The following FRS2 variants were observed in gnomAD, a reference collection of about 807,000 sequenced individuals.
FRS2 encodes the protein FGFR signalling adaptor.
In FRS2, 8 loss-of-function variants were observed where a neutral mutation model predicts 43.9. That is an observed-to-expected ratio of 0.18 (90% CI 0.11 to 0.33). FRS2 has a LOEUF of 0.33. FRS2 is among the 10% of genes least tolerant of loss of function. The pLI is 1.00. For synonymous variants in FRS2, 219 were observed against 220.3 expected, an observed-to-expected ratio of 0.99 and a Z score of 0.05; for missense variants, 534 against 627.6, an observed-to-expected ratio of 0.85 and a Z score of 1.59.
At chr12:69,503,096 G>A (rs1190775355) in intron 1 of FRS2, among the ~76,000 whole-genome samples, 1 of 152,182 alleles carries the variant, frequency 6.6e-6, no homozygotes, top group Non-Finnish European at 1.5e-5. Flanking sequence ...CTCTGGCAAA[G>A]AATCCACTTC....
intron 3 of FRS2, among the ~76,000 whole-genome samples, chr12:69,551,831 T>G (rs867927681): frequency 2.6e-5 from 4 of 152,138 alleles, no homozygotes; most frequent in Non-Finnish European, 5.9e-5. Context: ...AACTTTTCAT[T>G]TCTGTTATTT....
chr12:69,555,749 A>T (rs1879282106), intron 3 of FRS2, among the ~76,000 whole-genome samples: 1 of 152,212 alleles, frequency 6.6e-6, no homozygotes, highest in Admixed American at 6.5e-5. Context: ...ACACCAAGGG[A>T]TGACTATACA....
Position 69,577,709 on chromosome 12 carries a change from T to A in FRS2, c.*2754T>A, listed in dbSNP as rs1881282168. The stretch of plus-strand genomic sequence containing the variant: ...TTCTTAGTGTGTTTTATTTCCCAGT[T>A]TCATCTTCTTCTAAAAATGAAAATA... On this transcript the variant is annotated 3_prime_UTR_variant, in exon 9 of 9. Coordinates refer to ENST00000549921, the MANE Select transcript of FRS2 (RefSeq NM_001278356.2). 1 of 152,608 alleles carries A rather than the reference T, an allele frequency of 6.6e-6. No individual in the cohort carries two copies. The highest frequency in any genetic ancestry group is 2.4e-5 in the African/African-American group (1 of 41,458). The allele number at this position is 152,608 out of a possible 1,614,324, so 9.5% of individuals were successfully genotyped here. A position where few individuals can be genotyped will look rare whatever the true frequency, so the allele number is the denominator to read the frequency against.
At chr12:69,498,659 T>C (rs1245406685) in intron 1 of FRS2, among the ~76,000 whole-genome samples, 1 of 151,936 alleles carries the variant, frequency 6.6e-6, no homozygotes, top group African/African-American at 2.4e-5. Flanking sequence ...AGCCAAAAGA[T>C]TGGACACCCC....
chr12:69,571,450 C>T lies in FRS2; in HGVS notation c.412+16C>T. The T allele has an allele frequency of 6.3e-7, 1 of 1,596,016 alleles. No individual in the cohort carries two copies. Among genetic ancestry groups the T allele is most frequent in the Non-Finnish European group, 8.6e-7 (1 of 1,167,030 alleles). ...ACACCTACAAGTAAGTACCCCTTTT[C>T]CCTTTCACATTTTGAATAACAGACG... On this transcript the variant is annotated intron_variant, in intron 7 of 8. Coordinates refer to ENST00000549921, the MANE Select transcript of FRS2 (RefSeq NM_001278356.2).
chr12:69,570,148 TC>T (rs1469356600), intron 5 of FRS2, among the ~76,000 whole-genome samples, 182 bp from the exon 6 acceptor site: 1 of 152,248 alleles, frequency 6.6e-6, no homozygotes, highest in African/African-American at 2.4e-5. Flanking sequence ...ACATTTTGTT[TC>T]CCCAGTGGGA....
chr12:69,503,438 A>G (rs1206361423), intron 1 of FRS2, among the ~76,000 whole-genome samples: 2 of 152,146 alleles, frequency 1.3e-5, no homozygotes, highest in South Asian at 2.1e-4. Context: ...ATAGTCCTAG[A>G]GATTTTACAG....
chr12:69,481,915 A>G (rs900812968), intron 1 of FRS2, among the ~76,000 whole-genome samples: 4 of 151,834 alleles, frequency 2.6e-5, no homozygotes, highest in African/African-American at 9.7e-5. Flanking sequence ...CGGTCAAGAT[A>G]TAGTCTGGTT....
chr12:69,574,289 C>A lies in FRS2; in HGVS notation c.861C>A (p.Asp287Glu). 1 of 1,614,144 alleles carries A rather than the reference C, an allele frequency of 6.2e-7. No homozygotes were observed. Among genetic ancestry groups the A allele is most frequent in the African/African-American group, 1.3e-5 (1 of 75,040 alleles). ...GTGGAGCAAATAACACAGAATGGGACACTGGCTATGACAGTGATGAACGAA... is the reference window on the plus strand; with the variant it reads ...GTGGAGCAAATAACACAGAATGGGAAACTGGCTATGACAGTGATGAACGAA... ...SGSGANNTEW[D>E]TGYDSDERRD... The change falls in exon 9 of 9, where the codon GAC becomes GAA. Residue 287 changes from aspartate to glutamate, a missense_variant. By Grantham distance (45) the Asp-to-Glu change is conservative. Around this residue, in one of 3 missense-constraint regions of FRS2, gnomAD observed 446 missense variants for 494.2 expected, o/e 0.90. Transcript: ENST00000549921.
chr12:69,473,071 T>C (rs1201088092), intron 1 of FRS2, among the ~76,000 whole-genome samples: 1 of 152,192 alleles, frequency 6.6e-6, no homozygotes, highest in East Asian at 1.9e-4. Flanking sequence ...ATTTTTAGCT[T>C]AAGTAATGGA....
At position 69,524,631 on chromosome 12, in the gene FRS2, A is replaced by G. The variant is rs571482351; in HGVS notation, c.-260-6234A>G. On this transcript the variant is annotated intron_variant, in intron 1 of 8. Coordinates refer to ENST00000549921, the MANE Select transcript of FRS2 (RefSeq NM_001278356.2). ...TTCATGGACAAGACTGGCTCTGCAG[A>G]GTTCAGATCTGACAGTTTCACTAGG... 4.6e-5 allele frequency among the ~76,000 whole-genome samples: 7 copies of G among 152,174 alleles called. No individual in the cohort carries two copies. In the South Asian group the frequency reaches 1.5e-3, roughly 32 times the overall value.
At chr12:69,546,065 A>T (rs1323265632) in intron 3 of FRS2, among the ~76,000 whole-genome samples, 1 of 152,202 alleles carries the variant, frequency 6.6e-6, no homozygotes, top group African/African-American at 2.4e-5. Flanking sequence ...AAAGGCACAG[A>T]CAATACAAGA....
chr12:69,546,515 C>CAA (rs1366865970), intron 3 of FRS2, among the ~76,000 whole-genome samples: 1 of 152,144 alleles, frequency 6.6e-6, no homozygotes, highest in Non-Finnish European at 1.5e-5. Context: ...ACCTTGGCCT[C>CAA]CCAAAGTGCT....
chr12:69,558,000 GT>G (rs1423064067), intron 3 of FRS2: 1 of 151,996 alleles, frequency 6.6e-6, no homozygotes, highest in African/African-American at 2.4e-5. Context: ...GTGTGTGTGT[GT>G]TGTTTTACAC....
At chr12:69,515,960 A>G (rs1813138658) in intron 1 of FRS2, among the ~76,000 whole-genome samples, 1 of 149,962 alleles carries the variant, frequency 6.7e-6, no homozygotes, top group African/African-American at 2.5e-5. Flanking sequence ...AACCCCGGGA[A>G]ATATCCAGCT....
intron 1 of FRS2, among the ~76,000 whole-genome samples, chr12:69,524,087 G>A (rs1011076613): frequency 2.2e-4 from 34 of 152,300 alleles, no homozygotes; most frequent in African/African-American, 8.2e-4. Flanking sequence ...GAGGGCAGGG[G>A]GTCCCTGCAA....
At chr12:69,499,890 G>T (rs952952769) in intron 1 of FRS2, among the ~76,000 whole-genome samples, 11 of 151,948 alleles carry the variant, frequency 7.2e-5, no homozygotes, top group African/African-American at 2.7e-4. Context: ...GAGAATTTGG[G>T]GTCATCAAAT....
At chr12:69,482,727 A>C (rs1003708806) in intron 1 of FRS2, among the ~76,000 whole-genome samples, 1 of 152,256 alleles carries the variant, frequency 6.6e-6, no homozygotes, top group Admixed American at 6.5e-5. Flanking sequence ...CAAGGAAGAA[A>C]GTTCCGAGGG....
chr12:69,542,692 T>C (rs1878025492), intron 3 of FRS2, among the ~76,000 whole-genome samples: 1 of 152,202 alleles, frequency 6.6e-6, no homozygotes, highest in Non-Finnish European at 1.5e-5. Context: ...ACCAAAGATG[T>C]TGGTGTTGGA....
Sources: allele counts gnomAD v4.1 joint callset (sites outside exome capture counted in the v4.1 genomes callset), GRCh38; gene constraint gnomAD v4.1.1; regional missense constraint gnomAD v4.1.1; transcripts MANE v1.5; gene names NCBI Gene and HGNC (gene_info 2026-07-23, HGNC 2026-07-21).